SLC43A2: variants seen among roughly 807,000 people sequenced by gnomAD.
The protein encoded by SLC43A2 is solute carrier family 43 member 2, also known as large neutral amino acids transporter small subunit 4.
A neutral mutation model predicts 63.2 loss-of-function variants in SLC43A2; 38 were observed. That is an observed-to-expected ratio of 0.60 (90% CI 0.46 to 0.79). The LOEUF (loss-of-function observed/expected upper bound fraction) is 0.79. Among genes scored for constraint, SLC43A2 ranks in the 30% least tolerant of loss-of-function variants. SLC43A2 has a pLI of 0.00. For synonymous variants in SLC43A2, 322 were observed against 331.0 expected (o/e 0.97, Z 0.30); for missense variants, 644 against 756.2 (o/e 0.85, Z 1.74).
At chr17:1,623,444 C>A (rs75066782) in intron 2 of SLC43A2, among the ~76,000 whole-genome samples, 4,745 of 152,242 alleles carry the variant, frequency 0.031, 274 homozygotes, top group African/African-American at 0.11. Context: ...CCAAACATAC[C>A]AGCATGTGGC....
intron 9 of SLC43A2, chr17:1,586,930 C>CCCCCCCCCCCCCCCCTG: frequency 1.3e-6 from 1 of 783,192 alleles, no homozygotes; most frequent in Non-Finnish European, 2.0e-6. Context: ...CCTGACAATC[C>CCCCCCCCCCCCCCCCTG]CCCCCACCCC....
chr17:1,587,345 G>A (rs1057436618), intron 9 of SLC43A2, among the ~76,000 whole-genome samples: 20 of 152,216 alleles, frequency 1.3e-4, no homozygotes, highest in South Asian at 2.1e-4. Context: ...CACTGCCTGC[G>A]GGAAGCGGCT....
At chr17:1,587,098 C>CGCACTGCGTTTCCT (rs1461536864) in intron 9 of SLC43A2, 14 of 1,047,410 alleles carry the variant, frequency 1.3e-5, no homozygotes, top group South Asian at 4.7e-5. Context: ...CTGCGTTTCC[C>CGCACTGCGTTTCCT]GCACTGCATT....
At chr17:1,609,413 G>A (rs1158238737) in intron 5 of SLC43A2, among the ~76,000 whole-genome samples, 1 of 152,086 alleles carries the variant, frequency 6.6e-6, no homozygotes, top group Admixed American at 6.6e-5. Context: ...TACTGGTCAG[G>A]CTGGTCTCGA....
intron 5 of SLC43A2, among the ~76,000 whole-genome samples, chr17:1,608,999 CAAA>C (rs748102708): frequency 3.3e-5 from 5 of 151,944 alleles, no homozygotes; most frequent in Non-Finnish European, 5.9e-5. Flanking sequence ...ACAAATGACA[CAAA>C]GAAGCAATTC....
chr17:1,615,148 C>G (rs558295714), intron 3 of SLC43A2, 114 bp from the exon 4 acceptor site: 62 of 1,320,790 alleles, frequency 4.7e-5, no homozygotes, highest in Non-Finnish European at 1.4e-5. Context: ...TGCTCTGTCA[C>G]CCGGGCTGGA....
At chr17:1,590,710 G>A (rs1904674121) in intron 9 of SLC43A2, 92 bp downstream of exon 9, 2 of 1,489,780 alleles carry the variant, frequency 1.3e-6, no homozygotes, top group South Asian at 2.5e-5. Flanking sequence ...GGCCCGGCTG[G>A]CCCGGCTCAG....
At chr17:1,603,987 T>A (rs1486861970) in intron 5 of SLC43A2, among the ~76,000 whole-genome samples, 6 of 152,172 alleles carry the variant, frequency 3.9e-5, no homozygotes, top group Non-Finnish European at 8.8e-5. Flanking sequence ...CTTTTACATG[T>A]GCCTTATTAA....
chr17:1,587,008 T>G lies in SLC43A2; in HGVS notation c.1079-957A>C, dbSNP rs1419286364. ...AAAAAGCAGAAAGAAGAGAGGTTAG[T>G]GGCAGAAATCTCAGTGCTACAGAGA... On this transcript the variant is annotated intron_variant, in intron 9 of 13. Coordinates refer to ENST00000301335, the MANE Select transcript of SLC43A2 (RefSeq NM_152346.3). The G allele has an allele frequency of 2.0e-6, 3 of 1,518,066 alleles. No individual in the cohort carries two copies. In the Admixed American group the frequency reaches 6.1e-5, roughly 31 times the overall value. 94.0% of individuals were successfully genotyped at this position (1,518,066 alleles called of 1,614,324 possible).
intron 10 of SLC43A2, chr17:1,585,225 T>C (rs1409129557): frequency 1.0e-6 from 1 of 995,466 alleles, no homozygotes; most frequent in Non-Finnish European, 1.2e-6. Flanking sequence ...TTCTTCCTTC[T>C]TACTCAATGC....
intron 5 of SLC43A2, among the ~76,000 whole-genome samples, chr17:1,609,886 T>C (rs1191339170): frequency 6.6e-6 from 1 of 151,852 alleles, no homozygotes; most frequent in Non-Finnish European, 1.5e-5. Context: ...AAGAAATATA[T>C]TCCAAACTGA....
chr17:1,574,443 G>A lies in SLC43A2; in HGVS notation c.*1161C>T, dbSNP rs2075890263. The A allele has an allele frequency of 6.5e-6, 1 of 152,680 alleles. No individual in the cohort carries two copies. Among genetic ancestry groups the A allele is most frequent in the South Asian group, 2.1e-4 (1 of 4,840 alleles). The allele number at this position is 152,680 out of a possible 1,614,324, so 9.5% of individuals were successfully genotyped here. On this transcript the variant is annotated 3_prime_UTR_variant, in exon 14 of 14. Transcript: ENST00000301335. ...GGATTTATTGCTTTATAAAAAAGAAGTCTAATAAAACTGAAGAGAAAATAA... is the reference window on the plus strand; with the variant it reads ...GGATTTATTGCTTTATAAAAAAGAAATCTAATAAAACTGAAGAGAAAATAA...
intron 2 of SLC43A2, 52 bp downstream of exon 2, chr17:1,627,663 T>TCCCCCCCA: frequency 3.4e-6 from 1 of 292,906 alleles, no homozygotes; most frequent in Non-Finnish European, 5.0e-6. Context: ...TCCCGCCCCC[T>TCCCCCCCA]CCCAAAGCCC....
intron 6 of SLC43A2, among the ~76,000 whole-genome samples, chr17:1,592,203 C>CG (rs1470068576): frequency 2.6e-5 from 4 of 152,162 alleles, no homozygotes; most frequent in African/African-American, 9.7e-5. Flanking sequence ...CCAAAGTGGG[C>CG]GGATCATGAG....
Position 1,578,238 on chromosome 17 carries a change from T to G in SLC43A2, c.1424+12A>C. The G allele has an allele frequency of 1.9e-6, 3 of 1,611,730 alleles. No individual in the cohort carries two copies. The highest frequency in any genetic ancestry group is 2.5e-6 in the Non-Finnish European group (3 of 1,178,176). On this transcript the variant is annotated intron_variant, in intron 12 of 13. Transcript: ENST00000301335. This position sits in a 1 kb window ranked among gnomAD's most constrained non-coding sequence, Gnocchi z 6.5. Reference sequence around the variant, plus strand: ...CTCGCCCACCAGGCCACCTGCGGCTTCCAGGACTTACACGGCAGCGTACAG... The same window carrying G: ...CTCGCCCACCAGGCCACCTGCGGCTGCCAGGACTTACACGGCAGCGTACAG...
At chr17:1,587,036 T>C (rs2076113514) in intron 9 of SLC43A2, 1 of 1,442,616 alleles carries the variant, frequency 6.9e-7, no homozygotes, top group Middle Eastern at 1.7e-4. Flanking sequence ...TACAGAGAGA[T>C]GGGAGAGGAG....
Position 1,593,411 on chromosome 17 carries a change from A to G in SLC43A2, c.502-132T>C, listed in dbSNP as rs1289294852. 2.6e-6 allele frequency: 2 copies of G among 783,552 alleles called. No individual in the cohort carries two copies. Among genetic ancestry groups the G allele is most frequent in the East Asian group, 2.7e-5 (1 of 37,398 alleles). The allele number at this position is 783,552 out of a possible 1,614,324, so 48.5% of individuals were successfully genotyped here. A position where few individuals can be genotyped will look rare whatever the true frequency, so the allele number is the denominator to read the frequency against. On this transcript the variant is annotated intron_variant, in intron 5 of 13. Coordinates refer to ENST00000301335, the MANE Select transcript of SLC43A2 (RefSeq NM_152346.3). The surrounding 1 kb of genome is among the most constrained non-coding windows in gnomAD (Gnocchi z 5.3). ...CCCTTCCTGTGTGACTCACAGGGGC[A>G]TTAGTTCAGGGGCAATGACCGCTCA...
At chr17:1,627,686 C>A in intron 2 of SLC43A2, 29 bp downstream of exon 2, 2 of 1,212,150 alleles carry the variant, frequency 1.6e-6, no homozygotes, top group African/African-American at 5.9e-5. Flanking sequence ...GCTCCAGGAG[C>A]CCCCCGCAAC....
At chr17:1,589,120 C>G (rs1904507107) in intron 9 of SLC43A2, among the ~76,000 whole-genome samples, 2 of 152,364 alleles carry the variant, frequency 1.3e-5, no homozygotes, top group Admixed American at 1.3e-4. Context: ...CCTTCCTGGC[C>G]TGGCTTCCTC....
Sources: allele counts gnomAD v4.1 joint callset (sites outside exome capture counted in the v4.1 genomes callset), GRCh38; gene constraint gnomAD v4.1.1; non-coding constraint Gnocchi (gnomAD v3.1); transcripts MANE v1.5; gene names NCBI Gene and HGNC (gene_info 2026-07-23, HGNC 2026-07-21).